Variants in RBFOX2 observed in about 807,000 individuals in gnomAD.
RBFOX2 encodes RNA binding protein fox-1 homolog 2.
RBFOX2 carries 10 observed loss-of-function variants against 49.1 expected under a neutral mutation model. That is an observed-to-expected ratio of 0.20 (90% CI 0.13 to 0.35). The LOEUF is 0.35. RBFOX2 is among the 10% of genes least tolerant of loss of function. RBFOX2 has a pLI of 1.00. For missense variants in RBFOX2, 323 were observed against 486.9 expected (o/e 0.66, Z 3.17); for synonymous variants, 183 against 187.4 (o/e 0.98, Z 0.19).
chr22:35,835,767 T>C (rs947282288), intron 1 of RBFOX2, among the ~76,000 whole-genome samples: 3 of 152,208 alleles, frequency 2.0e-5, no homozygotes, highest in African/African-American at 7.2e-5. Flanking sequence ...ATTGCTCGGA[T>C]TTCATCATAG....
intron 1 of RBFOX2, chr22:35,996,256 A>T (rs1288851804): frequency 6.6e-6 from 1 of 152,110 alleles, no homozygotes; most frequent in Non-Finnish European, 1.5e-5. Context: ...CCCCTCACCC[A>T]TATGTCTCCC....
chr22:35,760,603 A>AACAACTCCTACCCC (rs1184612436), intron 8 of RBFOX2, among the ~76,000 whole-genome samples: 2 of 152,200 alleles, frequency 1.3e-5, no homozygotes, highest in Non-Finnish European at 2.9e-5. Context: ...AGGTGAGGGA[A>AACAACTCCTACCCC]ACAACTCCTA....
intron 1 of RBFOX2, among the ~76,000 whole-genome samples, chr22:35,956,090 T>C (rs2055522621): frequency 6.6e-6 from 1 of 152,252 alleles, no homozygotes; most frequent in Non-Finnish European, 1.5e-5. Flanking sequence ...CTATGCATGA[T>C]TTTGTAACAT....
Position 35,896,076 on chromosome 22 carries a change from T to G in RBFOX2, c.-34+42771A>C, listed in dbSNP as rs532221978. On this transcript the variant is annotated intron_variant, in intron 1 of 13. Coordinates refer to the RBFOX2 transcript ENST00000359369. ...GTGTTCCTTGCTTCCCCGACCCCTT[T>G]CTCCATGTTCAAATCCAAAAGCAAA... 2.6e-5 allele frequency among the ~76,000 whole-genome samples: 4 copies of G among 152,208 alleles called. No individual in the cohort carries two copies. The South Asian group carries it at 8.3e-4, about 32-fold the overall frequency.
chr22:35,747,715 T>C (rs1271637375), intron 9 of RBFOX2: 4 of 152,198 alleles, frequency 2.6e-5, no homozygotes, highest in Admixed American at 6.5e-5. Flanking sequence ...CCTTTCACTA[T>C]CAAAAACAAC....
chr22:35,894,531 C>G (rs1397409053), intron 1 of RBFOX2, among the ~76,000 whole-genome samples: 1 of 152,172 alleles, frequency 6.6e-6, no homozygotes, highest in Non-Finnish European at 1.5e-5. Context: ...ACAACTTCAC[C>G]TGCCCCACTT....
Position 35,765,409 on chromosome 22 carries a change from T to G in RBFOX2, c.607+14A>C. 1 of 1,490,414 alleles carries G rather than the reference T, an allele frequency of 6.7e-7. No individual in the cohort carries two copies. The highest frequency in any genetic ancestry group is 9.3e-7 in the Non-Finnish European group (1 of 1,080,854). The allele number at this position is 1,490,414 out of a possible 1,614,324, so 92.3% of individuals were successfully genotyped here. Reference sequence around the variant, plus strand: ...ACAAGAATAAACACTCTTTCGAAGATTATAATTTCTTACCATTTGCATATG... The same window carrying G: ...ACAAGAATAAACACTCTTTCGAAGAGTATAATTTCTTACCATTTGCATATG... On this transcript the variant is annotated intron_variant, in intron 6 of 11. Coordinates refer to ENST00000405409, the Ensembl canonical transcript of RBFOX2.
intron 1 of RBFOX2, among the ~76,000 whole-genome samples, chr22:35,824,717 T>C (rs9619573): frequency 0.23 from 34,378 of 152,174 alleles, 5,980 homozygotes; most frequent in African/African-American, 0.49. Context: ...GCCATCCATA[T>C]TTTAATAGTT....
intron 5 of RBFOX2, among the ~76,000 whole-genome samples, chr22:35,766,335 T>G (rs1038209862): frequency 1.7e-4 from 26 of 152,198 alleles, no homozygotes; most frequent in Non-Finnish European, 2.5e-4. Flanking sequence ...TGACTTATAC[T>G]GTGTTGTCAG....
chr22:35,918,401 G>A (rs901783554), intron 1 of RBFOX2, among the ~76,000 whole-genome samples: 4 of 152,150 alleles, frequency 2.6e-5, no homozygotes, highest in African/African-American at 9.7e-5. Flanking sequence ...GCTTGCTAAA[G>A]GAGCCCTCCA....
At chr22:35,842,511 G>T (rs1254281459), upstream of RBFOX2, among the ~76,000 whole-genome samples, 1 of 152,144 alleles carries the variant, frequency 6.6e-6, no homozygotes, top group Non-Finnish European at 1.5e-5. Flanking sequence ...TTCACTGGAA[G>T]CAAGAGCAAC....
chr22:35,777,979 AAC>A, intron 4 of RBFOX2, 44 bp downstream of exon 5: 1 of 1,531,796 alleles, frequency 6.5e-7, no homozygotes, highest in Non-Finnish European at 8.9e-7. Context: ...AATAACATAA[AAC>A]TCAAAAAGAA....
intron 1 of RBFOX2, among the ~76,000 whole-genome samples, chr22:36,017,560 T>C (rs1476703493): frequency 2.0e-5 from 3 of 152,166 alleles, no homozygotes; most frequent in South Asian, 4.2e-4. Context: ...AATAAAGCTA[T>C]AGTATCCGAT....
intron 1 of RBFOX2, among the ~76,000 whole-genome samples, chr22:35,948,247 A>G (rs904010069): frequency 6.6e-6 from 1 of 152,182 alleles, no homozygotes; most frequent in Admixed American, 6.5e-5. Context: ...CGTATGCTTC[A>G]TACAGCCAGA....
At chr22:35,795,797 T>C (rs1403544883) in intron 2 of RBFOX2, among the ~76,000 whole-genome samples, 6 of 152,152 alleles carry the variant, frequency 3.9e-5, no homozygotes, top group Non-Finnish European at 5.9e-5. Context: ...TTTCAAAGGA[T>C]GCTTAGCTCT....
chr22:35,932,457 C>T (rs2052542469), intron 1 of RBFOX2, among the ~76,000 whole-genome samples: 1 of 152,312 alleles, frequency 6.6e-6, no homozygotes, highest in Admixed American at 6.5e-5. Flanking sequence ...TTATATTTGT[C>T]AACTTAAGCA....
chr22:35,768,284 G>A (rs1400416979), exon 5 of RBFOX2: 22 of 1,614,166 alleles, frequency 1.4e-5, no homozygotes, highest in Non-Finnish European at 1.9e-5. Context: ...CTACCACGGT[G>A]CCGTGTAATT....
At position 35,839,696 on chromosome 22, in the gene RBFOX2, A is replaced by G. The variant is rs150524820; in HGVS notation, c.27+496T>C. 1.1e-3 allele frequency among the ~76,000 whole-genome samples: 174 copies of G among 152,342 alleles called. 1 individual carries two copies. Among genetic ancestry groups the G allele is most frequent in the African/African-American group, 3.8e-3 (159 of 41,576 alleles). ...AATGAAACATTCTTTTCTAACCTTCATTTTTAATAAGCAGTTTAGAGTAAC... is the reference window on the plus strand; with the variant it reads ...AATGAAACATTCTTTTCTAACCTTCGTTTTTAATAAGCAGTTTAGAGTAAC... On this transcript the variant is annotated intron_variant, in intron 1 of 11. Transcript: ENST00000405409.
At chr22:35,884,355 T>C (rs1165031366) in intron 1 of RBFOX2, among the ~76,000 whole-genome samples, 1 of 152,148 alleles carries the variant, frequency 6.6e-6, no homozygotes. Flanking sequence ...AAACAGCATT[T>C]ATTATCTCAG....
Sources: allele counts gnomAD v4.1 joint callset (sites outside exome capture counted in the v4.1 genomes callset), GRCh38; gene constraint gnomAD v4.1.1; transcripts MANE v1.5; gene names NCBI Gene and HGNC (gene_info 2026-07-23, HGNC 2026-07-21).